Variants in HERC2 observed in about 807,000 individuals in gnomAD.
HERC2 encodes E3 ubiquitin-protein ligase HERC2.
A neutral mutation model predicts 537.7 loss-of-function variants in HERC2; 102 were observed. That is an observed-to-expected ratio of 0.19 (90% CI 0.16 to 0.22). The LOEUF (loss-of-function observed/expected upper bound fraction) is 0.22. HERC2 is among the 10% of genes least tolerant of loss of function. The pLI, the probability that HERC2 is intolerant of heterozygous loss-of-function variation, is 1.00. For synonymous variants in HERC2, 2,224 were observed against 2,466.2 expected, an observed-to-expected ratio of 0.90 and a Z score of 2.91; for missense variants, 4,236 against 6,198.2, an observed-to-expected ratio of 0.68 and a Z score of 10.63.
At chr15:28,136,188 T>A (rs1890615547) in intron 78 of HERC2, among the ~76,000 whole-genome samples, 1 of 152,102 alleles carries the variant, frequency 6.6e-6, no homozygotes, top group African/African-American at 2.4e-5. Context: ...TGATTAATTT[T>A]AAAAAATGAT....
Position 28,177,118 on chromosome 15 carries a change from G to A in HERC2, c.9264C>T (p.Asp3088=). The A allele has an allele frequency of 6.2e-7, 1 of 1,610,358 alleles. No homozygotes were observed. The stretch of plus-strand genomic sequence containing the variant: ...TCAGGGCCTCGATCAGCCTTGGTTT[G>A]TCACAGTTCCTACAACAAGATGAAA... ...KLGHFSRMNC[D]KPRLIEALKT... Residue 3088 remains aspartate, a synonymous_variant, in exon 61 of 93, where the codon GAC becomes GAT. Coordinates refer to ENST00000261609, the MANE Select transcript of HERC2 (RefSeq NM_004667.6). This position sits in a 1 kb window ranked among gnomAD's most constrained non-coding sequence, Gnocchi z 5.0.
intron 23 of HERC2, among the ~76,000 whole-genome samples, chr15:28,240,185 A>G (rs577543388): frequency 7.8e-4 from 119 of 152,320 alleles, no homozygotes; most frequent in Middle Eastern, 3.4e-3. Context: ...TTGGGAGGCC[A>G]AGGTGGGCAG....
intron 2 of HERC2, among the ~76,000 whole-genome samples, chr15:28,306,466 G>A (rs144750809): frequency 3.9e-4 from 60 of 152,278 alleles, no homozygotes; most frequent in Non-Finnish European, 8.1e-4. Flanking sequence ...TGTTGAATTC[G>A]GTTTGCTGGT....
intron 38 of HERC2, among the ~76,000 whole-genome samples, chr15:28,217,420 A>G (rs1173626330): frequency 1.3e-5 from 2 of 151,694 alleles, no homozygotes; most frequent in Non-Finnish European, 2.9e-5. Flanking sequence ...CCGCTAACAC[A>G]CTCACTCTCA....
At position 28,116,717 on chromosome 15, in the gene HERC2, C is replaced by T; in HGVS notation, c.13557G>A (p.Leu4519=). 1 of 1,613,876 alleles carries T rather than the reference C, an allele frequency of 6.2e-7. No individual in the cohort carries two copies. Among genetic ancestry groups the T allele is most frequent in the Non-Finnish European group, 8.5e-7 (1 of 1,179,984 alleles). The change falls in exon 88 of 93, where the codon CTG becomes CTA. Residue 4519 remains leucine (L), a synonymous_variant. Transcript: ENST00000261609. ...DESGANRDCY[L]LSPAARAPVH... ...CGGGTGCTCTGGCGGCCGGGCTGAG[C>T]AGGTAGCAGTCTCGGTTGGCCCCAG...
In HERC2 at chr15:28,160,173, G is replaced by A. The variant is rs747823062; in HGVS notation, c.10746+2921C>T. 2.0e-4 allele frequency among the ~76,000 whole-genome samples: 31 copies of A among 152,268 alleles called. No homozygotes were observed. In the Middle Eastern group the frequency reaches 0.01, roughly 50 times the overall value. ...GGGGTGCCTCCCAGTTAGGCTACTCGGGGGTCAGGGACCCACTTGAGGAGG... is the reference window on the plus strand; with the variant it reads ...GGGGTGCCTCCCAGTTAGGCTACTCAGGGGTCAGGGACCCACTTGAGGAGG... On this transcript the variant is annotated intron_variant, in intron 69 of 92. Transcript: ENST00000261609.
At chr15:28,182,352 G>T in intron 57 of HERC2, 49 bp downstream of exon 57, 1 of 1,154,006 alleles carries the variant, frequency 8.7e-7, no homozygotes, top group Non-Finnish European at 1.3e-6. Context: ...ACGAGGTGTG[G>T]CTGCTGCCGA....
At chr15:28,205,259 T>C (rs1898308881) in intron 45 of HERC2, among the ~76,000 whole-genome samples, 1 of 126,330 alleles carries the variant, frequency 7.9e-6, no homozygotes, top group Non-Finnish European at 1.6e-5. Flanking sequence ...CTTCCAGTTG[T>C]TCACACTCGG....
intron 80 of HERC2, 64 bp downstream of exon 80, chr15:28,132,589 C>T: frequency 2.2e-6 from 3 of 1,334,858 alleles, no homozygotes; most frequent in Non-Finnish European, 1.9e-6. Context: ...GGCAAACCGC[C>T]CCCATCTGAC....
At position 28,146,289 on chromosome 15, in the gene HERC2, G is replaced by A. The variant is rs751438038; in HGVS notation, c.10956C>T (p.His3652=). 1.2e-5 allele frequency: 19 copies of A among 1,613,860 alleles called. No homozygotes were observed. In the East Asian group the frequency reaches 1.6e-4, roughly 13 times the overall value. Residue 3652 remains histidine, a synonymous_variant, in exon 71 of 93, where the codon CAC becomes CAT. Transcript: ENST00000261609. The part of the protein sequence containing the change: ...FDRQCSTERR[H]DPLTVMDGVN... ...CGCCGTCCATGACTGTGAGAGGGTC[G>A]TGGCGCCTCTCTGTGGAGCACTGCC... is the stretch of plus-strand genomic sequence containing the variant.
chr15:28,148,587 A>G (rs1334162417), intron 70 of HERC2, among the ~76,000 whole-genome samples: 1 of 152,212 alleles, frequency 6.6e-6, no homozygotes, highest in African/African-American at 2.4e-5. Flanking sequence ...GAACGGCCGC[A>G]TGAACGTACA....
intron 48 of HERC2, among the ~76,000 whole-genome samples, chr15:28,201,048 C>T (rs567447089): frequency 6.8e-6 from 1 of 147,820 alleles, no homozygotes. Flanking sequence ...CCATGTCCAC[C>T]GTGGACAGGC....
In HERC2 at chr15:28,152,711, G is replaced by A. The variant is rs775755761; in HGVS notation, c.10866C>T (p.Asp3622=). 7 of 1,551,238 alleles carry A rather than the reference G, an allele frequency of 4.5e-6. No homozygotes were observed. Among genetic ancestry groups the A allele is most frequent in the South Asian group, 1.2e-5 (1 of 83,892 alleles). ...TCACTGTGCCACTGGTGGAGGTGTC[G>A]TCGGTGTAAGGGTGGCTACTCTCCA... ...VVVESSHPYT[D]DTSTSGTVKI... The change falls in exon 70 of 93, where the codon GAC becomes GAT. Residue 3622 remains aspartate, a synonymous_variant. Transcript: ENST00000261609.
intron 65 of HERC2, among the ~76,000 whole-genome samples, chr15:28,170,276 A>G (rs76517692): frequency 0.07 from 10,609 of 152,336 alleles, 894 homozygotes; most frequent in East Asian, 0.42. Context: ...AGTCTACCCA[A>G]TTTCAAAAGT....
rs1252169810 is a variant in HERC2 at position 28,215,811 on chromosome 15, G to C, written c.6029-9C>G. The C allele has an allele frequency of 1.3e-6, 2 of 1,560,948 alleles. No homozygotes were observed. The highest frequency in any genetic ancestry group is 1.8e-6 in the Non-Finnish European group (2 of 1,140,844). On this transcript the variant is annotated splice_polypyrimidine_tract_variant and intron_variant, in intron 38 of 92. Transcript: ENST00000261609. ...CAGCCTGTTTGGAGAAGCTGCAGGAGGGAAAATAGACATGCTTGGTAACAA... is the reference window on the plus strand; with the variant it reads ...CAGCCTGTTTGGAGAAGCTGCAGGACGGAAAATAGACATGCTTGGTAACAA...
intron 20 of HERC2, among the ~76,000 whole-genome samples, chr15:28,252,287 C>A (rs2140865556): frequency 6.6e-6 from 1 of 152,008 alleles, no homozygotes; most frequent in African/African-American, 2.4e-5. Flanking sequence ...AGTCTCGGTG[C>A]ACGGGAACAT....
intron 7 of HERC2, chr15:28,273,274 TTA>T: frequency 8.1e-6 from 4 of 494,428 alleles, no homozygotes; most frequent in Admixed American, 3.6e-5. Context: ...ATAAAATAAT[TTA>T]TCTCATTATC....
At chr15:28,219,473 C>T (rs768759245) in intron 37 of HERC2, among the ~76,000 whole-genome samples, 9 of 152,230 alleles carry the variant, frequency 5.9e-5, no homozygotes, top group Non-Finnish European at 1.2e-4. Flanking sequence ...GCCAGCACCA[C>T]ATCCGCCCTC....
intron 53 of HERC2, among the ~76,000 whole-genome samples, chr15:28,191,749 A>G (rs535679180): frequency 6.6e-6 from 1 of 152,256 alleles, no homozygotes; most frequent in South Asian, 2.1e-4. Flanking sequence ...AGTTAGATAA[A>G]ATCTATTACT....
Sources: allele counts gnomAD v4.1 joint callset (sites outside exome capture counted in the v4.1 genomes callset), GRCh38; gene constraint gnomAD v4.1.1; non-coding constraint Gnocchi (gnomAD v3.1); transcripts MANE v1.5; gene names NCBI Gene and HGNC (gene_info 2026-07-23, HGNC 2026-07-21).